The following LTBP1 variants were observed in gnomAD, a reference collection of about 807,000 sequenced individuals.
The protein encoded by LTBP1 is latent-transforming growth factor beta-binding protein 1.
Under a neutral mutation model 207.6 loss-of-function variants are expected in LTBP1, and 129 were observed. That is an observed-to-expected ratio of 0.62 (90% CI 0.54 to 0.72). The LOEUF is 0.72. Ranked by LOEUF, LTBP1 falls within the 30% of genes least tolerant of loss-of-function variation. LTBP1 has a pLI of 0.00. For synonymous variants in LTBP1, 963 were observed against 833.7 expected (o/e 1.16, Z -2.67); for missense variants, 2,281 against 2,217.2 (o/e 1.03, Z -0.58).
At chr2:33,213,024 C>G (rs2149306023) in intron 7 of LTBP1, among the ~76,000 whole-genome samples, 1 of 152,266 alleles carries the variant, frequency 6.6e-6, no homozygotes, top group South Asian at 2.1e-4. Flanking sequence ...TGCACGTAGT[C>G]TCACCGTTCC....
intron 2 of LTBP1, among the ~76,000 whole-genome samples, chr2:33,017,637 G>A (rs1688569376): frequency 6.6e-6 from 1 of 151,972 alleles, no homozygotes; most frequent in South Asian, 2.1e-4. Flanking sequence ...TGTTTTTTGA[G>A]ATGGAGTCTT....
At chr2:33,246,168 G>A (rs1386944549) in intron 10 of LTBP1, among the ~76,000 whole-genome samples, 1 of 152,202 alleles carries the variant, frequency 6.6e-6, no homozygotes, top group Admixed American at 6.5e-5. Flanking sequence ...TGTTCCAGTT[G>A]AGAGTTCGAA....
chr2:33,315,269 G>C lies in LTBP1; in HGVS notation c.3730G>C (p.Asp1244His). 6.2e-7 allele frequency: 1 copy of C among 1,610,826 alleles called. No homozygotes were observed. The change falls in exon 24 of 34, where the codon GAT (aspartate) becomes CAT (histidine). Residue 1244 changes from aspartate (D) to histidine (H), a missense_variant and splice_region_variant. Physicochemically the swap from Asp to His is moderately conservative, Grantham distance 81. This residue lies in a region of LTBP1 where 1,671 missense variants were observed against 1,634.8 expected (regional missense o/e 1.02). Transcript: ENST00000404816. ...SISADGRTCE[D>H]IDECVNNTVC... ...CTCTGCAGATGGCCGTACGTGTGAA[G>C]GTAAGATAAACCATACGAAATCATA...
rs4952340 is a variant in LTBP1, at chr2:33,088,921, C to T, written c.864-21661C>T. Among the ~76,000 whole-genome samples the T allele has an allele frequency of 2.9e-3, 447 of 151,816 alleles. 6 individuals are homozygous for T. Among genetic ancestry groups the T allele is most frequent in the East Asian group, 0.02 (101 of 5,150 alleles). On this transcript the variant is annotated intron_variant, in intron 3 of 33. Coordinates refer to ENST00000404816, the MANE Select transcript of LTBP1 (RefSeq NM_206943.4). ...TTGTAATCCCAGCACTTTGGGAGGC[C>T]GAGGCGGGCAGATCACTTGAGATCA...
intron 9 of LTBP1, among the ~76,000 whole-genome samples, chr2:33,240,299 A>G (rs990846772): frequency 2.6e-5 from 4 of 152,158 alleles, no homozygotes; most frequent in African/African-American, 7.2e-5. Flanking sequence ...GTCTAAATAG[A>G]ATTCTGGTTT....
At chr2:33,344,456 C>T (rs866368913) in intron 25 of LTBP1, among the ~76,000 whole-genome samples, 129 of 152,274 alleles carry the variant, frequency 8.5e-4, no homozygotes, top group African/African-American at 2.6e-3. Flanking sequence ...GTTGTGGTTG[C>T]CCATGTCACT....
At chr2:33,296,001 C>T (rs537575774) in intron 20 of LTBP1, among the ~76,000 whole-genome samples, 1 of 152,266 alleles carries the variant, frequency 6.6e-6, no homozygotes, top group Admixed American at 6.5e-5. Flanking sequence ...CTCCTGGTCC[C>T]TTCTCTTTTG....
intron 32 of LTBP1, among the ~76,000 whole-genome samples, chr2:33,391,073 CT>C (rs397968517): frequency 1.3e-3 from 195 of 145,072 alleles, no homozygotes; most frequent in East Asian, 2.8e-3. Flanking sequence ...TCCCCTCCAC[CT>C]TTTTTTTTTT....
Position 32,969,171 on chromosome 2 carries a change from C to A in LTBP1, c.565+20226C>A, listed in dbSNP as rs559479059. Among the ~76,000 whole-genome samples the A allele has an allele frequency of 2.0e-5, 3 of 151,084 alleles. No homozygotes were observed. In the East Asian group the frequency reaches 5.9e-4, roughly 30 times the overall value. On this transcript the variant is annotated intron_variant, in intron 2 of 33. Transcript: ENST00000404816. ...GAACTCCTGACCTCAAGTGATCCAC[C>A]TGCATCGGCCTCCCAAAGTGCTGAG...
At chr2:33,030,486 C>T (rs150943726) in intron 3 of LTBP1, among the ~76,000 whole-genome samples, 185 of 152,248 alleles carry the variant, frequency 1.2e-3, no homozygotes, top group African/African-American at 4.2e-3. Flanking sequence ...AAACCATTTC[C>T]GTGTAGTGAG....
chr2:33,104,933 A>C (rs376791970), intron 3 of LTBP1, among the ~76,000 whole-genome samples: 44 of 152,152 alleles, frequency 2.9e-4, no homozygotes, highest in African/African-American at 9.9e-4. Context: ...ATATCCTTCC[A>C]GTGGGCTTGA....
At chr2:33,101,057 G>T (rs756196326) in intron 3 of LTBP1, among the ~76,000 whole-genome samples, 1 of 152,136 alleles carries the variant, frequency 6.6e-6, no homozygotes, top group Non-Finnish European at 1.5e-5. Flanking sequence ...GAGAAGAATT[G>T]CCAAATTATA....
At chr2:33,193,478 A>C (rs1291741759) in intron 7 of LTBP1, among the ~76,000 whole-genome samples, 1 of 152,138 alleles carries the variant, frequency 6.6e-6, no homozygotes, top group Non-Finnish European at 1.5e-5. Flanking sequence ...GAATGCTGAA[A>C]GTTTTAGGGG....
chr2:33,117,439 T>C (rs963427627), intron 4 of LTBP1, among the ~76,000 whole-genome samples: 2 of 152,206 alleles, frequency 1.3e-5, no homozygotes, highest in African/African-American at 4.8e-5. Flanking sequence ...GTCTTTACGG[T>C]TGCAGTCTGA....
At chr2:33,254,382 C>A (rs1466974957) in intron 11 of LTBP1, among the ~76,000 whole-genome samples, 2 of 151,834 alleles carry the variant, frequency 1.3e-5, no homozygotes, top group African/African-American at 2.4e-5. Flanking sequence ...GCTTTATAAT[C>A]CTTACATGAA....
chr2:33,023,507 T>C (rs933980707), intron 3 of LTBP1, among the ~76,000 whole-genome samples: 7 of 152,220 alleles, frequency 4.6e-5, no homozygotes, highest in African/African-American at 1.7e-4. Flanking sequence ...CTTTGGAGAC[T>C]TCATCTGCTG....
At chr2:33,183,195 T>C (rs534997436) in intron 5 of LTBP1, among the ~76,000 whole-genome samples, 3 of 152,364 alleles carry the variant, frequency 2.0e-5, no homozygotes, top group African/African-American at 7.2e-5. Flanking sequence ...TTCATCCTGT[T>C]CATTACAGCC....
At chr2:32,995,315 T>A (rs369539709) in intron 2 of LTBP1, among the ~76,000 whole-genome samples, 11 of 151,968 alleles carry the variant, frequency 7.2e-5, no homozygotes, top group African/African-American at 2.4e-4. Context: ...CTCCTGGGGG[T>A]CAAGTGCACA....
At chr2:33,251,161 G>A (rs927583047) in intron 10 of LTBP1, among the ~76,000 whole-genome samples, 1 of 152,178 alleles carries the variant, frequency 6.6e-6, no homozygotes, top group African/African-American at 2.4e-5. Context: ...CCACCTGGTA[G>A]CCTCATCCTC....
Sources: gnomAD v4.1 joint callset for allele counts (sites outside exome capture counted in the v4.1 genomes callset) on GRCh38, gnomAD v4.1.1 for gene constraint, gnomAD v4.1.1 regional missense constraint, MANE v1.5 for transcripts, NCBI Gene and HGNC (gene_info 2026-07-23, HGNC 2026-07-21) for gene names.